SFXN5: variants seen among roughly 807,000 people sequenced by gnomAD.
The protein encoded by SFXN5 is sideroflexin 5.
SFXN5 carries 43 observed loss-of-function variants against 50.2 expected under a neutral mutation model. The observed-to-expected ratio is 0.86, with a 90% CI of 0.67 to 1.11. SFXN5 has a LOEUF of 1.11. Among genes scored for constraint, SFXN5 ranks in the 50% least tolerant of loss-of-function variants. The probability of loss-of-function intolerance (pLI) is 0.00; values close to 1 mark genes in which losing one functional copy is unlikely to be tolerated. For missense variants in SFXN5, 463 were observed against 454.1 expected (o/e 1.02, Z -0.18); for synonymous variants, 203 against 185.8 (o/e 1.09, Z -0.75).
At chr2:73,048,465 C>T (rs150181925) in intron 2 of SFXN5, among the ~76,000 whole-genome samples, 1,643 of 152,334 alleles carry the variant, frequency 0.011, 19 homozygotes, top group Non-Finnish European at 0.019. Flanking sequence ...ATCCACCTGC[C>T]TCAGCCTTCC....
chr2:72,985,426 G>C (rs1157950700), intron 10 of SFXN5, among the ~76,000 whole-genome samples: 1 of 152,118 alleles, frequency 6.6e-6, no homozygotes, highest in Non-Finnish European at 1.5e-5. Flanking sequence ...GAGAGGACCA[G>C]GGGGCTTTTG....
chr2:72,957,112 G>A (rs748556131), intron 13 of SFXN5: 5 of 455,712 alleles, frequency 1.1e-5, no homozygotes, highest in South Asian at 6.2e-5. Flanking sequence ...TCCTATAGTG[G>A]ACCACATCCC....
intron 6 of SFXN5, among the ~76,000 whole-genome samples, chr2:73,008,589 G>A (rs762424400): frequency 3.2e-4 from 48 of 152,338 alleles, no homozygotes; most frequent in Middle Eastern, 3.4e-3. Context: ...CCCAGGCCAC[G>A]TGCATGGAAG....
intron 7 of SFXN5, among the ~76,000 whole-genome samples, chr2:73,001,121 A>G (rs188890914): frequency 1.3e-5 from 2 of 152,314 alleles, no homozygotes; most frequent in East Asian, 3.9e-4. Flanking sequence ...ACCTCAGGTT[A>G]GGGGTGGATT....
chr2:73,050,388 G>GCGCACA lies in SFXN5; in HGVS notation c.171+8139_171+8140insTGTGCG. On this transcript the variant is annotated intron_variant, in intron 2 of 13. Transcript: ENST00000272433. The stretch of plus-strand genomic sequence containing the variant: ...GTGGAGGTAGCGCCGCAGCCACAGC[G>GCGCACA]CACGCACACACACACACACACACAC... Among the ~76,000 whole-genome samples, 47 of 143,912 alleles carry GCGCACA rather than the reference G, an allele frequency of 3.3e-4. 1 individual carries two copies. The highest frequency in any genetic ancestry group is 1.1e-3 in the African/African-American group (40 of 36,222). The allele number at this position is 143,912 out of a possible 152,430, so 94.4% of individuals were successfully genotyped here.
At chr2:72,991,933 C>T (rs1672655599) in intron 9 of SFXN5, among the ~76,000 whole-genome samples, 1 of 152,158 alleles carries the variant, frequency 6.6e-6, no homozygotes, top group African/African-American at 2.4e-5. Flanking sequence ...TTAACAGCAT[C>T]CAAATAAGCC....
intron 3 of SFXN5, among the ~76,000 whole-genome samples, chr2:73,031,369 G>C (rs1426036636): frequency 6.6e-6 from 1 of 152,242 alleles, no homozygotes; most frequent in African/African-American, 2.4e-5. Flanking sequence ...CCAAAGAGAT[G>C]GTAGAGAAAC....
Position 73,059,851 on chromosome 2 carries a change from T to A in SFXN5, c.103-1255A>T. On this transcript the variant is annotated intron_variant, in intron 1 of 13. Transcript: ENST00000272433. ...CTGAGAATGTAGTCTAAGGAAACAA[T>A]CCAAGATGTTCAAAGATCTGGTCAG... 5.2e-6 allele frequency: 5 copies of A among 964,238 alleles called. 1 individual carries two copies. The highest frequency in any genetic ancestry group is 6.1e-6 in the Non-Finnish European group (5 of 818,636). The allele number at this position is 964,238 out of a possible 1,614,324, so 59.7% of individuals were successfully genotyped here.
chr2:73,039,569 G>A (rs1411339911), intron 3 of SFXN5, among the ~76,000 whole-genome samples: 1 of 152,162 alleles, frequency 6.6e-6, no homozygotes, highest in African/African-American at 2.4e-5. Context: ...GTTTAGAGGG[G>A]TGGATGATAA....
chr2:72,985,566 G>A (rs931567143), intron 10 of SFXN5, among the ~76,000 whole-genome samples: 7 of 151,656 alleles, frequency 4.6e-5, no homozygotes, highest in Non-Finnish European at 7.4e-5. Context: ...AAGCCTGTGG[G>A]GGGGTGGGAG....
At chr2:72,985,782 C>G (rs1317453558) in intron 10 of SFXN5, among the ~76,000 whole-genome samples, 2 of 152,152 alleles carry the variant, frequency 1.3e-5, no homozygotes, top group African/African-American at 4.8e-5. Context: ...GCTGAAGCCT[C>G]ATTCCCAAAA....
At chr2:73,060,690 G>C (rs1682703561) in intron 1 of SFXN5, among the ~76,000 whole-genome samples, 2 of 149,000 alleles carry the variant, frequency 1.3e-5, no homozygotes, top group South Asian at 4.2e-4. Flanking sequence ...TTATATAAGA[G>C]AATGTCCTTG....
In SFXN5 at chr2:72,992,206, G is replaced by A. The variant is rs546450888; in HGVS notation, c.535-3858C>T. ...GACCAGGGGAAAAGGAGGGAAGGCC[G>A]GCTTCCTGATAGTCCCCACGGAGAT... On this transcript the variant is annotated intron_variant, in intron 9 of 13. Coordinates refer to ENST00000272433, the MANE Select transcript of SFXN5 (RefSeq NM_144579.3). This position sits in a 1 kb window ranked among gnomAD's most constrained non-coding sequence, Gnocchi z 4.5. 3.3e-5 allele frequency among the ~76,000 whole-genome samples: 5 copies of A among 152,298 alleles called. No homozygotes were observed. Among genetic ancestry groups the A allele is most frequent in the Admixed American group, 6.5e-5 (1 of 15,306 alleles).
chr2:73,069,050 T>A (rs1683383936), intron 1 of SFXN5, among the ~76,000 whole-genome samples: 3 of 151,850 alleles, frequency 2.0e-5, no homozygotes, highest in Admixed American at 2.0e-4. Context: ...GGTGGTGGGA[T>A]TCAAGGAAGA....
intron 6 of SFXN5, among the ~76,000 whole-genome samples, chr2:73,002,637 T>C (rs1011923655): frequency 6.6e-6 from 1 of 152,220 alleles, no homozygotes; most frequent in Non-Finnish European, 1.5e-5. Context: ...GCAGCATTAG[T>C]AAATCATGTT....
chr2:73,058,254 G>C, intron 2 of SFXN5: 1 of 305,626 alleles, frequency 3.3e-6, no homozygotes, highest in Non-Finnish European at 6.1e-6. Context: ...AAGTTTTAAA[G>C]AATAACAATA....
intron 12 of SFXN5, among the ~76,000 whole-genome samples, chr2:72,965,067 T>C (rs1316508637): frequency 6.6e-6 from 1 of 152,164 alleles, no homozygotes; most frequent in Non-Finnish European, 1.5e-5. Flanking sequence ...CCACACCCCC[T>C]GATCCTGTAC....
intron 1 of SFXN5, 81 bp from the exon 2 acceptor site, chr2:73,058,677 T>C (rs1168533286): frequency 7.3e-7 from 1 of 1,360,772 alleles, no homozygotes; most frequent in African/African-American, 1.4e-5. Flanking sequence ...CCCCACCCTT[T>C]ATGATTGGGG....
chr2:73,040,378 T>G (rs937880403), intron 3 of SFXN5, among the ~76,000 whole-genome samples: 1 of 152,172 alleles, frequency 6.6e-6, no homozygotes, highest in Non-Finnish European at 1.5e-5. Context: ...AGTATCCTAA[T>G]CCTAATCCTC....
Sources: allele counts gnomAD v4.1 joint callset (sites outside exome capture counted in the v4.1 genomes callset), GRCh38; gene constraint gnomAD v4.1.1; non-coding constraint Gnocchi (gnomAD v3.1); transcripts MANE v1.5; gene names NCBI Gene and HGNC (gene_info 2026-07-23, HGNC 2026-07-21).